Variants in FRMD5 observed in about 807,000 individuals in gnomAD.
The protein encoded by FRMD5 is FERM domain containing 5, also known as FERM domain-containing protein 5.
FRMD5 carries 20 observed loss-of-function variants against 69.0 expected under a neutral mutation model. The ratio of observed to expected loss-of-function variants is 0.29; its 90% CI spans 0.20 to 0.42. FRMD5 has a LOEUF of 0.42. Ranked by LOEUF, FRMD5 falls within the 10% of genes least tolerant of loss-of-function variation. The pLI is 1.00. For synonymous variants in FRMD5, 271 were observed against 260.1 expected (o/e 1.04, Z -0.40); for missense variants, 595 against 708.6 (o/e 0.84, Z 1.82).
intron 1 of FRMD5, among the ~76,000 whole-genome samples, chr15:44,029,576 A>C (rs982212732): frequency 6.6e-6 from 1 of 152,236 alleles, no homozygotes; most frequent in African/African-American, 2.4e-5. Flanking sequence ...GGTAACTAAA[A>C]TACAAGCTTA....
rs1276215319 is a variant in FRMD5, at chr15:44,001,977, T to A, written c.103-77668A>T. Among the ~76,000 whole-genome samples the A allele has an allele frequency of 2.0e-5, 3 of 152,224 alleles. No homozygotes were observed. In the East Asian group the frequency reaches 5.8e-4, roughly 29 times the overall value. ...CTCAAGTGATCCACCTGCCTCAGCC[T>A]CCCAAAGTGCGAGCCACCGCACCCA... On this transcript the variant is annotated intron_variant, in intron 1 of 13. Transcript: ENST00000417257.
At chr15:43,957,222 G>A (rs2090128948) in intron 1 of FRMD5, among the ~76,000 whole-genome samples, 1 of 151,890 alleles carries the variant, frequency 6.6e-6, no homozygotes, top group African/African-American at 2.4e-5. Flanking sequence ...TTGAGTTGGA[G>A]TCTGGCTCTG....
At chr15:44,007,097 G>T (rs1335310885) in intron 1 of FRMD5, among the ~76,000 whole-genome samples, 1 of 152,096 alleles carries the variant, frequency 6.6e-6, no homozygotes, top group Non-Finnish European at 1.5e-5. Flanking sequence ...CCAGTCAGCA[G>T]CTGTCAACAT....
intron 1 of FRMD5, among the ~76,000 whole-genome samples, chr15:44,057,188 G>A (rs944944102): frequency 8.0e-5 from 12 of 150,004 alleles, no homozygotes; most frequent in South Asian, 2.1e-4. Flanking sequence ...GCAGTGACAC[G>A]ATCTCGGCTC....
chr15:43,914,103 C>A (rs776692237), intron 4 of FRMD5, among the ~76,000 whole-genome samples: 4 of 152,116 alleles, frequency 2.6e-5, no homozygotes, highest in Non-Finnish European at 4.4e-5. Flanking sequence ...CTGCAAGATG[C>A]CAGGGAAAAC....
At chr15:43,905,135 CT>C (rs746667752) in intron 6 of FRMD5, among the ~76,000 whole-genome samples, 106 of 137,270 alleles carry the variant, frequency 7.7e-4, no homozygotes, top group African/African-American at 7.2e-4. Context: ...TCAACCTCTC[CT>C]TTTTTTTTTT....
chr15:43,933,094 T>A (rs2089702745), intron 1 of FRMD5, among the ~76,000 whole-genome samples: 1 of 152,022 alleles, frequency 6.6e-6, no homozygotes, highest in Non-Finnish European at 1.5e-5. Flanking sequence ...ACAACAATAG[T>A]GAGAGTCCCA....
At chr15:43,986,123 A>T (rs548750334) in intron 1 of FRMD5, among the ~76,000 whole-genome samples, 4 of 152,368 alleles carry the variant, frequency 2.6e-5, no homozygotes, top group Admixed American at 2.6e-4. Flanking sequence ...TTCAGTTCAC[A>T]ACATAAATAA....
chr15:43,916,504 G>A (rs1331750996), intron 4 of FRMD5, among the ~76,000 whole-genome samples: 1 of 152,214 alleles, frequency 6.6e-6, no homozygotes, highest in Non-Finnish European at 1.5e-5. Flanking sequence ...TCAGTGCAAG[G>A]CTCACTGTGG....
intron 1 of FRMD5, chr15:43,989,214 C>T (rs974745241): frequency 4.9e-6 from 4 of 818,698 alleles, no homozygotes; most frequent in Non-Finnish European, 8.7e-6. Flanking sequence ...TCTTGATCTT[C>T]ATTGTGCTGG....
intron 1 of FRMD5, among the ~76,000 whole-genome samples, chr15:43,956,083 C>T (rs2090110843): frequency 6.6e-6 from 1 of 152,224 alleles, no homozygotes; most frequent in Non-Finnish European, 1.5e-5. Flanking sequence ...GATTCTATCA[C>T]ACTTAGAGTA....
chr15:44,130,202 C>A (rs1595499032), intron 1 of FRMD5, among the ~76,000 whole-genome samples: 1 of 152,184 alleles, frequency 6.6e-6, no homozygotes, highest in South Asian at 2.1e-4. Context: ...CATCTATTAC[C>A]CTGTGCAAGG....
chr15:44,094,785 G>C (rs1457536913), intron 1 of FRMD5, among the ~76,000 whole-genome samples: 1 of 151,960 alleles, frequency 6.6e-6, no homozygotes, highest in African/African-American at 2.4e-5. Flanking sequence ...GAGATAAAGG[G>C]GCAATTAGTT....
At chr15:44,186,167 T>C (rs2078097790) in intron 1 of FRMD5, among the ~76,000 whole-genome samples, 1 of 152,158 alleles carries the variant, frequency 6.6e-6, no homozygotes. Flanking sequence ...CCTCAGGGGA[T>C]CCACCCACCT....
At chr15:44,117,503 G>A (rs992302733) in intron 1 of FRMD5, among the ~76,000 whole-genome samples, 3 of 152,168 alleles carry the variant, frequency 2.0e-5, no homozygotes, top group Admixed American at 2.0e-4. Context: ...GAGCATTTTC[G>A]GGGTTTCTGA....
intron 1 of FRMD5, among the ~76,000 whole-genome samples, chr15:43,961,977 C>G (rs1294818106): frequency 6.6e-6 from 1 of 152,162 alleles, no homozygotes; most frequent in Non-Finnish European, 1.5e-5. Context: ...TGGAAGCATT[C>G]CCTTTGAAAA....
chr15:43,947,674 T>A (rs1370126198), intron 1 of FRMD5, among the ~76,000 whole-genome samples: 3 of 152,068 alleles, frequency 2.0e-5, no homozygotes, highest in Non-Finnish European at 4.4e-5. Context: ...CAGGGAGGAA[T>A]GCCACACCCA....
chr15:44,123,301 C>T (rs983784509), intron 1 of FRMD5, among the ~76,000 whole-genome samples: 2 of 151,126 alleles, frequency 1.3e-5, no homozygotes, highest in African/African-American at 2.4e-5. Flanking sequence ...GCTGAGATCG[C>T]GCCATTGCAC....
chr15:44,027,560 C>A (rs1328429912), intron 1 of FRMD5, among the ~76,000 whole-genome samples: 1 of 152,030 alleles, frequency 6.6e-6, no homozygotes, highest in African/African-American at 2.4e-5. Context: ...GAAGCAACAG[C>A]CCTGATTTTG....
Sources: allele counts gnomAD v4.1 joint callset (sites outside exome capture counted in the v4.1 genomes callset), GRCh38; gene constraint gnomAD v4.1.1; transcripts MANE v1.5; gene names NCBI Gene and HGNC (gene_info 2026-07-23, HGNC 2026-07-21).